Variants in GRIN2B observed in about 807,000 individuals in gnomAD.
GRIN2B encodes glutamate receptor ionotropic, NMDA 2B.
Under a neutral mutation model 114.5 loss-of-function variants are expected in GRIN2B, and 5 were observed. That is an observed-to-expected ratio of 0.04 (90% CI 0.02 to 0.09). GRIN2B has a LOEUF of 0.09. Among genes scored for constraint, GRIN2B ranks in the 10% least tolerant of loss-of-function variants. GRIN2B has a pLI of 1.00. For synonymous variants in GRIN2B, 787 were observed against 745.1 expected (o/e 1.06, Z -0.92); for missense variants, 1,108 against 1,943.5 (o/e 0.57, Z 8.08).
chr12:13,914,163 G>C (rs1354184292), intron 2 of GRIN2B, among the ~76,000 whole-genome samples: 1 of 152,098 alleles, frequency 6.6e-6, no homozygotes, highest in Non-Finnish European at 1.5e-5. Context: ...GGGCAACCAG[G>C]TCAATTTCTT....
chr12:13,670,164 CTGG>C (rs958702737), intron 5 of GRIN2B: 2 of 152,016 alleles, frequency 1.3e-5, no homozygotes, highest in Non-Finnish European at 2.9e-5. Context: ...CTCTCCTTTA[CTGG>C]TGGATGTGGC....
At chr12:13,630,504 G>A (rs890706252) in intron 5 of GRIN2B, among the ~76,000 whole-genome samples, 6 of 152,140 alleles carry the variant, frequency 3.9e-5, no homozygotes, top group African/African-American at 4.8e-5. Flanking sequence ...TTGGATGAGC[G>A]ATAGTCAGTG....
At chr12:13,765,900 A>T (rs1278873430) in intron 3 of GRIN2B, among the ~76,000 whole-genome samples, 1 of 152,172 alleles carries the variant, frequency 6.6e-6, no homozygotes, top group Non-Finnish European at 1.5e-5. Context: ...TGTAGCTCTC[A>T]TCTGAACTGT....
intron 4 of GRIN2B, among the ~76,000 whole-genome samples, chr12:13,723,492 A>AC (rs1253189458): frequency 2.0e-5 from 3 of 151,956 alleles, no homozygotes; most frequent in Non-Finnish European, 4.4e-5. Context: ...AAAAAAAAAA[A>AC]ACACTTGCAT....
chr12:13,830,861 C>A (rs1865132347), intron 3 of GRIN2B, among the ~76,000 whole-genome samples: 1 of 152,202 alleles, frequency 6.6e-6, no homozygotes, highest in African/African-American at 2.4e-5. Context: ...TCTGCCCTGC[C>A]TTATCACAGG....
intron 2 of GRIN2B, among the ~76,000 whole-genome samples, chr12:13,871,420 A>T (rs1305283561): frequency 6.6e-6 from 1 of 151,954 alleles, no homozygotes; most frequent in Non-Finnish European, 1.5e-5. Flanking sequence ...ATAAGGTTAA[A>T]AAGGAAATCA....
In GRIN2B at chr12:13,556,026, G is replaced by T. The variant is rs1948475406; in HGVS notation, c.*6757C>A. On this transcript the variant is annotated 3_prime_UTR_variant, in exon 14 of 14. Transcript: ENST00000609686. The stretch of plus-strand genomic sequence containing the variant: ...AATATTGCTAATGTGGGTAAATACA[G>T]GGTTAGACCAAAGAGGGAATTCAAT... 6.6e-6 allele frequency: 1 copy of T among 152,180 alleles called. No homozygotes were observed. The highest frequency in any genetic ancestry group is 1.5e-5 in the Non-Finnish European group (1 of 68,054). 9.4% of individuals were successfully genotyped at this position (152,180 alleles called of 1,614,324 possible). A position where few individuals can be genotyped will look rare whatever the true frequency, so the allele number is the denominator to read the frequency against.
At chr12:13,832,014 G>A (rs537078844) in intron 3 of GRIN2B, among the ~76,000 whole-genome samples, 1 of 152,154 alleles carries the variant, frequency 6.6e-6, no homozygotes, top group East Asian at 1.9e-4. Context: ...GAAGGGCAGT[G>A]GGGGGCAGGG....
At chr12:13,924,266 C>T (rs1261571749) in intron 2 of GRIN2B, among the ~76,000 whole-genome samples, 1 of 152,130 alleles carries the variant, frequency 6.6e-6, no homozygotes, top group East Asian at 1.9e-4. Context: ...CAGATGGCAA[C>T]TCCAAATGGG....
intron 4 of GRIN2B, among the ~76,000 whole-genome samples, chr12:13,693,525 T>C (rs1950232311): frequency 6.6e-6 from 1 of 152,132 alleles, no homozygotes; most frequent in Non-Finnish European, 1.5e-5. Flanking sequence ...GAGCCCATGA[T>C]AACATGCAAC....
rs781710666 is a variant in GRIN2B, at chr12:13,611,779, C to A, written c.1726G>T (p.Val576Phe). The A allele has an allele frequency of 1.2e-6, 2 of 1,613,668 alleles. No homozygotes were observed. Among genetic ancestry groups the A allele is most frequent in the Non-Finnish European group, 1.7e-6 (2 of 1,179,546 alleles). The change falls in exon 9 of 14, where the codon GTC (valine) becomes TTC (phenylalanine). Residue 576 changes from valine to phenylalanine, a missense_variant. By Grantham distance (50) the Val-to-Phe change is conservative (BLOSUM62 -1). Coordinates refer to ENST00000609686, the MANE Select transcript of GRIN2B (RefSeq NM_000834.5). ...CCCACAGGGCTGAAGTACTCAAAGA[C>A]AAAGACAGCCACGGCTGAGACGATG... Reference protein sequence around the residue: ...LLIVSAVAVFVFEYFSPVGYN... With the variant: ...LLIVSAVAVFFFEYFSPVGYN...
At chr12:13,581,418 G>A (rs4763354) in intron 10 of GRIN2B, among the ~76,000 whole-genome samples, 93,391 of 152,020 alleles carry the variant, frequency 0.61, 29,878 homozygotes, top group African/African-American at 0.79. Flanking sequence ...GCAGCATCTG[G>A]AGAGGGGAGG....
At chr12:13,910,592 G>T (rs1866613085) in intron 2 of GRIN2B, among the ~76,000 whole-genome samples, 1 of 152,114 alleles carries the variant, frequency 6.6e-6, no homozygotes, top group Admixed American at 6.5e-5. Context: ...TATTGCAAAG[G>T]TCTCTAAATG....
chr12:13,758,208 A>G (rs1863613884), intron 3 of GRIN2B, among the ~76,000 whole-genome samples: 1 of 152,126 alleles, frequency 6.6e-6, no homozygotes, highest in South Asian at 2.1e-4. Context: ...TTAAAACTGC[A>G]TCACACCTGC....
At chr12:13,977,233 A>G (rs1361998018) in intron 2 of GRIN2B, 3 of 152,240 alleles carry the variant, frequency 2.0e-5, no homozygotes, top group African/African-American at 7.2e-5. Context: ...TTGCATATAT[A>G]CATTAGCAAA....
chr12:13,849,002 T>G (rs1865514183), intron 3 of GRIN2B, among the ~76,000 whole-genome samples: 1 of 148,814 alleles, frequency 6.7e-6, no homozygotes. Context: ...GCACAGAAAC[T>G]GCAGGGCCAA....
chr12:13,865,873 G>C lies in GRIN2B; in HGVS notation c.336C>G (p.Leu112=). ...TGAGAGTCTGTGCTGAAATGAAATC[G>C]AGGATCTGGGCGATGGCTTCCTGGT... is the stretch of plus-strand genomic sequence containing the variant. ...DTDQEAIAQI[L]DFISAQTLTP... is the part of the protein sequence containing the mutation. Residue 112 remains leucine, a synonymous_variant, in exon 3 of 14, where the codon CTC becomes CTG. Transcript: ENST00000609686. 2 of 1,614,000 alleles carry C rather than the reference G, an allele frequency of 1.2e-6. No homozygotes were observed. The highest frequency in any genetic ancestry group is 1.7e-6 in the Non-Finnish European group (2 of 1,179,980).
chr12:13,578,453 G>T (rs1036690313), intron 10 of GRIN2B, among the ~76,000 whole-genome samples: 3 of 152,120 alleles, frequency 2.0e-5, no homozygotes, highest in African/African-American at 4.8e-5. Context: ...ACCTATAGGT[G>T]CTCCCATCTC....
intron 2 of GRIN2B, among the ~76,000 whole-genome samples, chr12:13,881,667 C>T (rs1866074487): frequency 5.9e-5 from 9 of 152,250 alleles, no homozygotes; most frequent in Admixed American, 3.9e-4. Context: ...ATTTTCTCTA[C>T]TTTAGCACCG....
Sources: allele counts gnomAD v4.1 joint callset (sites outside exome capture counted in the v4.1 genomes callset), GRCh38; gene constraint gnomAD v4.1.1; transcripts MANE v1.5; gene names NCBI Gene and HGNC (gene_info 2026-07-23, HGNC 2026-07-21).